Variants in ERP44 observed in about 807,000 individuals in gnomAD.
ERP44 encodes the protein endoplasmic reticulum resident protein 44.
In ERP44, 25 loss-of-function variants were observed where a neutral mutation model predicts 53.4. The ratio of observed to expected loss-of-function variants is 0.47; its 90% CI spans 0.34 to 0.65. The LOEUF (loss-of-function observed/expected upper bound fraction) is 0.65, where lower values mean the gene tolerates loss of function less well. Ranked by LOEUF, ERP44 falls within the 30% of genes least tolerant of loss-of-function variation. ERP44 has a pLI of 0.01. For synonymous variants in ERP44, 145 were observed against 161.2 expected (o/e 0.90, Z 0.76); for missense variants, 338 against 493.2 (o/e 0.69, Z 2.98).
chr9:99,987,412 A>G (rs1426540213), intron 10 of ERP44, among the ~76,000 whole-genome samples: 20 of 152,224 alleles, frequency 1.3e-4, no homozygotes. Flanking sequence ...AGTGTTTCCC[A>G]TCCTCCAGTT....
At chr9:100,027,439 CT>C (rs977555763) in intron 4 of ERP44, among the ~76,000 whole-genome samples, 16 of 148,444 alleles carry the variant, frequency 1.1e-4, no homozygotes, top group Admixed American at 1.3e-4. Flanking sequence ...AGACATAATG[CT>C]TTTTTTTTTA....
chr9:99,995,205 T>C (rs1222195764), intron 10 of ERP44, among the ~76,000 whole-genome samples: 2 of 152,228 alleles, frequency 1.3e-5, no homozygotes, highest in Non-Finnish European at 2.9e-5. Context: ...TTAACCTGTA[T>C]ACTGCTCAAA....
intron 1 of ERP44, among the ~76,000 whole-genome samples, chr9:100,080,017 A>C (rs528750261): frequency 1.6e-4 from 25 of 152,202 alleles, no homozygotes; most frequent in African/African-American, 6.0e-4. Context: ...TTATTGTTTA[A>C]TTTCCTATCA....
At chr9:100,080,220 T>C (rs1826408565) in intron 1 of ERP44, among the ~76,000 whole-genome samples, 1 of 152,190 alleles carries the variant, frequency 6.6e-6, no homozygotes, top group South Asian at 2.1e-4. Context: ...AATGGCCATT[T>C]ACCCTACAAT....
intron 1 of ERP44, among the ~76,000 whole-genome samples, chr9:100,094,930 C>G (rs1462441198): frequency 2.7e-5 from 4 of 150,710 alleles, no homozygotes; most frequent in Non-Finnish European, 5.9e-5. Flanking sequence ...TGTGATCACT[C>G]CTCTGCACTC....
Position 100,016,452 on chromosome 9 carries a change from G to GAA in ERP44, c.646-16_646-15dup. On this transcript the variant is annotated splice_polypyrimidine_tract_variant and intron_variant, in intron 7 of 11. Coordinates refer to ENST00000262455, the MANE Select transcript of ERP44 (RefSeq NM_015051.3). ...CGGAGCAGAATGCTATTACAAAACA[G>GAA]AAAAAAAAAATTAAATCTAACCTGT... 5.3e-6 allele frequency: 8 copies of GAA among 1,512,788 alleles called. No homozygotes were observed. The highest frequency in any genetic ancestry group is 2.5e-5 in the South Asian group (2 of 79,256). 93.7% of individuals were successfully genotyped at this position (1,512,788 alleles called of 1,614,324 possible). A position where few individuals can be genotyped will look rare whatever the true frequency, so the allele number is the denominator to read the frequency against.
intron 10 of ERP44, among the ~76,000 whole-genome samples, chr9:100,000,245 T>C (rs1374301559): frequency 6.6e-6 from 1 of 151,634 alleles, no homozygotes; most frequent in Admixed American, 6.6e-5. Context: ...GAAACCAGCC[T>C]GGAAAACAGC....
intron 1 of ERP44, among the ~76,000 whole-genome samples, chr9:100,091,921 A>C (rs1290955759): frequency 6.6e-6 from 1 of 152,144 alleles, no homozygotes; most frequent in Non-Finnish European, 1.5e-5. Flanking sequence ...CACTTCTACA[A>C]ACACCTTTGG....
chr9:99,999,063 AC>A (rs1830347646), intron 10 of ERP44: 3 of 742,214 alleles, frequency 4.0e-6, no homozygotes. Flanking sequence ...GAGGCGGATG[AC>A]CGCCTGCAGG....
At chr9:100,027,901 A>C (rs1255871983) in intron 4 of ERP44, among the ~76,000 whole-genome samples, 1 of 152,104 alleles carries the variant, frequency 6.6e-6, no homozygotes, top group Non-Finnish European at 1.5e-5. Flanking sequence ...ACCCCTCAAA[A>C]CAAACAAAAA....
chr9:100,049,476 T>A (rs55691991), intron 4 of ERP44, among the ~76,000 whole-genome samples: 2,273 of 152,240 alleles, frequency 0.015, 34 homozygotes, highest in Non-Finnish European at 0.022. Flanking sequence ...AGACACATCA[T>A]CACAGATACA....
intron 4 of ERP44, among the ~76,000 whole-genome samples, chr9:100,029,255 G>A (rs1264472601): frequency 1.3e-5 from 2 of 152,166 alleles, no homozygotes; most frequent in Admixed American, 6.5e-5. Context: ...GGCAACCTGA[G>A]AATTAGTGGA....
At chr9:100,077,418 G>A (rs1296381267) in intron 1 of ERP44, among the ~76,000 whole-genome samples, 4 of 152,122 alleles carry the variant, frequency 2.6e-5, no homozygotes, top group South Asian at 4.2e-4. Flanking sequence ...ACAATACTTT[G>A]CAGGGCTCGG....
chr9:100,011,590 G>A (rs542604732), intron 8 of ERP44, among the ~76,000 whole-genome samples: 1 of 151,962 alleles, frequency 6.6e-6, no homozygotes, highest in Non-Finnish European at 1.5e-5. Flanking sequence ...TGTGTCATGG[G>A]GGGTAATGAC....
chr9:100,019,410 T>C (rs1485639714), intron 6 of ERP44, among the ~76,000 whole-genome samples: 1 of 151,790 alleles, frequency 6.6e-6, no homozygotes, highest in Non-Finnish European at 1.5e-5. Flanking sequence ...ATGCGCACAA[T>C]AAAACATACA....
chr9:100,065,658 TACCACAAAACAGAAGAAGAGTTATA>T (rs1826203215), intron 1 of ERP44, among the ~76,000 whole-genome samples: 1 of 152,194 alleles, frequency 6.6e-6, no homozygotes, highest in African/African-American at 2.4e-5. Flanking sequence ...ATCCATAAAT[TACCACAAAACAGAAGAAGAGTTATA>T]TTACATTAGT....
intron 4 of ERP44, among the ~76,000 whole-genome samples, chr9:100,037,748 G>A (rs1825859463): frequency 6.6e-6 from 1 of 152,116 alleles, no homozygotes; most frequent in South Asian, 2.1e-4. Flanking sequence ...TGGGCTGGAA[G>A]GGAACCTGCT....
chr9:100,095,831 A>G (rs1446081444), intron 1 of ERP44, among the ~76,000 whole-genome samples: 1 of 152,192 alleles, frequency 6.6e-6, no homozygotes, highest in African/African-American at 2.4e-5. Context: ...ACTGGAATCT[A>G]CATATATTAT....
At chr9:100,058,369 C>A (rs145103899) in intron 2 of ERP44, among the ~76,000 whole-genome samples, 5 of 152,316 alleles carry the variant, frequency 3.3e-5, no homozygotes, top group African/African-American at 9.6e-5. Context: ...AGCCATCACA[C>A]CGGGCTTCCT....
Sources: gnomAD v4.1 joint callset for allele counts (sites outside exome capture counted in the v4.1 genomes callset) on GRCh38, gnomAD v4.1.1 for gene constraint, MANE v1.5 for transcripts, NCBI Gene and HGNC (gene_info 2026-07-23, HGNC 2026-07-21) for gene names.